AKAP11: variants seen among roughly 807,000 people sequenced by gnomAD.
AKAP11 encodes A-kinase anchor protein 11.
In AKAP11, 36 loss-of-function variants were observed where a neutral mutation model predicts 146.1. The ratio of observed to expected loss-of-function variants is 0.25; its 90% CI spans 0.19 to 0.33. AKAP11 has a LOEUF of 0.33. Ranked by LOEUF, AKAP11 falls within the 10% of genes least tolerant of loss-of-function variation. The pLI is 1.00. For synonymous variants in AKAP11, 780 were observed against 786.5 expected (o/e 0.99, Z 0.14); for missense variants, 2,201 against 2,197.0 (o/e 1.00, Z -0.04).
intron 3 of AKAP11, among the ~76,000 whole-genome samples, chr13:42,289,369 GT>G (rs1244167372): frequency 6.6e-6 from 1 of 152,140 alleles, no homozygotes; most frequent in Non-Finnish European, 1.5e-5. Flanking sequence ...TAGCAAGTGA[GT>G]TTATTTCCCC....
Position 42,295,748 on chromosome 13 carries a change from G to T in AKAP11, c.216+6G>T. 6.2e-7 allele frequency: 1 copy of T among 1,607,386 alleles called. No individual in the cohort carries two copies. Among genetic ancestry groups the T allele is most frequent in the Non-Finnish European group, 8.5e-7 (1 of 1,177,950 alleles). ...CAGATGCTGCTCATATACAGGTATG[G>T]TGAATTTTAGCATTTTTACTGAGTA... On this transcript the variant is annotated splice_donor_region_variant and intron_variant, in intron 5 of 12. Coordinates refer to ENST00000025301, the MANE Select transcript of AKAP11 (RefSeq NM_016248.4).
intron 8 of AKAP11, among the ~76,000 whole-genome samples, chr13:42,306,986 G>A (rs981873131): frequency 6.6e-6 from 1 of 152,100 alleles, no homozygotes; most frequent in African/African-American, 2.4e-5. Context: ...GTGCCTGGCT[G>A]ATAGTGCATT....
rs991408525 is a variant in AKAP11, at chr13:42,320,785, G to A, written c.*1557G>A. 2 of 152,196 alleles carry A rather than the reference G, an allele frequency of 1.3e-5. No homozygotes were observed. Among genetic ancestry groups the A allele is most frequent in the African/African-American group, 4.8e-5 (2 of 41,406 alleles). The allele number at this position is 152,196 out of a possible 1,614,324, so 9.4% of individuals were successfully genotyped here. ...GCGCCTGCCAGGGAATAGGAAATGA[G>A]GGCACTTACACATTAATGTGAATTA... On this transcript the variant is annotated 3_prime_UTR_variant, in exon 13 of 13. Transcript: ENST00000025301.
chr13:42,300,704 A>G lies in AKAP11; in HGVS notation c.1958A>G (p.Glu653Gly). The change falls in exon 8 of 13, where the codon GAG (glutamate) becomes GGG (glycine). Residue 653 changes from glutamate to glycine, a missense_variant. Glu to Gly is a moderately conservative substitution (Grantham distance 98). Around this residue, in one of 3 missense-constraint regions of AKAP11, gnomAD observed 1,867 missense variants for 1,833.5 expected, o/e 1.02. Coordinates refer to ENST00000025301, the MANE Select transcript of AKAP11 (RefSeq NM_016248.4). ...AGGTTTGCTGCAGATCTTGCTGAAG[A>G]GCTTGTTTTTGAAGGCATCATGGAG... ...VARFAADLAE[E>G]LVFEGIMEVC... The G allele has an allele frequency of 6.2e-7, 1 of 1,614,102 alleles. No homozygotes were observed. The highest frequency in any genetic ancestry group is 1.3e-5 in the African/African-American group (1 of 75,052).
intron 9 of AKAP11, among the ~76,000 whole-genome samples, chr13:42,311,160 G>C (rs1261323397): frequency 6.6e-6 from 1 of 152,124 alleles, no homozygotes; most frequent in Non-Finnish European, 1.5e-5. Context: ...GACCAGTCTT[G>C]ATATGGCTAA....
intron 11 of AKAP11, 79 bp from the exon 12 acceptor site, chr13:42,317,449 T>C: frequency 2.9e-6 from 4 of 1,395,050 alleles, no homozygotes; most frequent in Non-Finnish European, 2.9e-6. Context: ...CCAGAAAATA[T>C]TTGTATCTAC....
chr13:42,316,632 T>G (rs547436140), intron 11 of AKAP11, among the ~76,000 whole-genome samples: 1 of 152,172 alleles, frequency 6.6e-6, no homozygotes, highest in Non-Finnish European at 1.5e-5. Flanking sequence ...AATGAGAGAT[T>G]AAGAGCATGG....
intron 12 of AKAP11, 147 bp from the exon 13 acceptor site, chr13:42,318,941 T>C (rs1345338201): frequency 1.1e-6 from 1 of 936,386 alleles, no homozygotes; most frequent in Admixed American, 2.8e-5. Flanking sequence ...GGTAGCGGTT[T>C]AGAGGGGAAG....
At chr13:42,296,513 G>A (rs1959525187) in intron 5 of AKAP11, among the ~76,000 whole-genome samples, 1 of 152,070 alleles carries the variant, frequency 6.6e-6, no homozygotes, top group African/African-American at 2.4e-5. Flanking sequence ...TAAAATATTT[G>A]TGTATAAAGG....
At position 42,291,146 on chromosome 13, in the gene AKAP11, T is replaced by TA. The variant is rs1433378003; in HGVS notation, c.52-1237dup. ...TTATTAAGATTGCAGCTGTTTGAGTTAATCTAGTGTGAGGTTCTGAAATAT... is the reference window on the plus strand; with the variant it reads ...TTATTAAGATTGCAGCTGTTTGAGTTAAATCTAGTGTGAGGTTCTGAAATAT... On this transcript the variant is annotated intron_variant, in intron 3 of 12. Transcript: ENST00000025301. Among the ~76,000 whole-genome samples the TA allele has an allele frequency of 3.9e-5, 6 of 152,336 alleles. No homozygotes were observed. The East Asian group carries it at 1.2e-3, about 29-fold the overall frequency.
intron 11 of AKAP11, among the ~76,000 whole-genome samples, chr13:42,316,223 T>C (rs1211204123): frequency 3.3e-5 from 5 of 152,152 alleles, no homozygotes; most frequent in Non-Finnish European, 7.3e-5. Context: ...TAAAAATAAT[T>C]AATAGTGGTC....
chr13:42,319,024 TAAAA>T, intron 12 of AKAP11, 60 bp from the exon 13 acceptor site: 1 of 1,513,694 alleles, frequency 6.6e-7, no homozygotes, highest in South Asian at 1.2e-5. Context: ...ATATTGAAAA[TAAAA>T]ATAAAAGCTT....
At chr13:42,295,596 T>C in intron 4 of AKAP11, 99 bp from the exon 5 acceptor site, 1 of 1,176,252 alleles carries the variant, frequency 8.5e-7, no homozygotes, top group Non-Finnish European at 1.3e-6. Flanking sequence ...CAGACAGCAT[T>C]TTAATGCTTT....
intron 3 of AKAP11, among the ~76,000 whole-genome samples, chr13:42,291,354 G>A (rs368060279): frequency 2.0e-5 from 3 of 152,318 alleles, no homozygotes; most frequent in East Asian, 1.9e-4. Context: ...CCAGGTTCAA[G>A]CAATTCTTCT....
intron 6 of AKAP11, 52 bp downstream of exon 6, chr13:42,297,234 AT>A: frequency 7.6e-7 from 1 of 1,310,912 alleles, no homozygotes; most frequent in Non-Finnish European, 1.0e-6. Context: ...ATTTTACTAT[AT>A]TTGATAAAGA....
chr13:42,306,381 A>G (rs531022594), intron 8 of AKAP11, among the ~76,000 whole-genome samples: 6 of 152,256 alleles, frequency 3.9e-5, no homozygotes, highest in Non-Finnish European at 8.8e-5. Flanking sequence ...ACTGTCCTCT[A>G]AAGTTTTTAA....
chr13:42,288,774 A>G (rs1256950316), intron 3 of AKAP11, among the ~76,000 whole-genome samples: 2 of 151,574 alleles, frequency 1.3e-5, no homozygotes, highest in Non-Finnish European at 2.9e-5. Context: ...GGCTAGTTTT[A>G]TTTTCTTGTA....
chr13:42,294,493 C>G (rs1959389802), intron 4 of AKAP11, among the ~76,000 whole-genome samples: 1 of 152,040 alleles, frequency 6.6e-6, no homozygotes. Context: ...ACCTCCACCT[C>G]CAGGGTTCAA....
At chr13:42,284,514 G>A (rs1210887076) in intron 1 of AKAP11, among the ~76,000 whole-genome samples, 2 of 152,172 alleles carry the variant, frequency 1.3e-5, no homozygotes, top group Non-Finnish European at 2.9e-5. Context: ...CAAATAAAAG[G>A]ATTATCTTTT....
Sources: allele counts gnomAD v4.1 joint callset (sites outside exome capture counted in the v4.1 genomes callset), GRCh38; gene constraint gnomAD v4.1.1; regional missense constraint gnomAD v4.1.1; transcripts MANE v1.5; gene names NCBI Gene and HGNC (gene_info 2026-07-23, HGNC 2026-07-21).